Variants in HECW2 observed in about 807,000 individuals in gnomAD.
HECW2 encodes HECT, C2 and WW domain containing E3 ubiquitin protein ligase 2, also known as E3 ubiquitin-protein ligase HECW2.
A neutral mutation model predicts 175.2 loss-of-function variants in HECW2; 61 were observed. The observed-to-expected ratio is 0.35, with a 90% CI of 0.28 to 0.43. HECW2 has a LOEUF of 0.43. Ranked by LOEUF, HECW2 falls within the 20% of genes least tolerant of loss-of-function variation. The pLI, the probability that HECW2 is intolerant of heterozygous loss-of-function variation, is 1.00. For missense variants in HECW2, 1,524 were observed against 2,000.5 expected (o/e 0.76, Z 4.54); for synonymous variants, 671 against 731.0 (o/e 0.92, Z 1.32).
intron 4 of HECW2, among the ~76,000 whole-genome samples, chr2:196,332,876 T>C (rs1423936319): frequency 6.6e-6 from 1 of 152,212 alleles, no homozygotes; most frequent in Non-Finnish European, 1.5e-5. Context: ...TGCTATTCTC[T>C]TTGTGACCTT....
intron 2 of HECW2, among the ~76,000 whole-genome samples, chr2:196,423,684 T>TGTGTGTGTGTGTG (rs143785876): frequency 7.1e-6 from 1 of 139,946 alleles, no homozygotes; most frequent in Non-Finnish European, 1.5e-5. Context: ...TAGTATTCCA[T>TGTGTGTGTGTGTG]TGTGTGTGTG....
At chr2:196,218,584 C>T (rs867708356) in intron 26 of HECW2, among the ~76,000 whole-genome samples, 1 of 149,346 alleles carries the variant, frequency 6.7e-6, no homozygotes, top group South Asian at 2.1e-4. Context: ...GAGGCCAAGG[C>T]AGGAGATCGC....
intron 1 of HECW2, among the ~76,000 whole-genome samples, chr2:196,505,236 A>G (rs146912715): frequency 6.6e-6 from 1 of 152,198 alleles, no homozygotes; most frequent in African/African-American, 2.4e-5. Context: ...CAAAAACAGC[A>G]ATTAATAAAC....
intron 2 of HECW2, among the ~76,000 whole-genome samples, chr2:196,371,711 T>G (rs1017355946): frequency 6.6e-6 from 1 of 152,226 alleles, no homozygotes; most frequent in Non-Finnish European, 1.5e-5. Flanking sequence ...TTACAAAAGA[T>G]CAATGTCCAC....
In HECW2 at chr2:196,195,636, G is replaced by A. The variant is rs954458498; in HGVS notation, c.*5641C>T. ...ACAGAGAGCATTTAAGTTATCTTTAGAAATCATGAAAATGTCTCAAATGCT... is the reference window on the plus strand; with the variant it reads ...ACAGAGAGCATTTAAGTTATCTTTAAAAATCATGAAAATGTCTCAAATGCT... On this transcript the variant is annotated 3_prime_UTR_variant, in exon 29 of 29. Transcript: ENST00000644978. 2.0e-5 allele frequency: 3 copies of A among 152,126 alleles called. No homozygotes were observed. The highest frequency in any genetic ancestry group is 1.5e-5 in the Non-Finnish European group (1 of 68,024). 9.4% of individuals were successfully genotyped at this position (152,126 alleles called of 1,614,324 possible). A position where few individuals can be genotyped will look rare whatever the true frequency, so the allele number is the denominator to read the frequency against.
intron 1 of HECW2, among the ~76,000 whole-genome samples, chr2:196,530,798 G>T (rs549468113): frequency 6.6e-6 from 1 of 152,208 alleles, no homozygotes; most frequent in East Asian, 1.9e-4. Context: ...CTGTTCTATG[G>T]GAGGAAAATA....
chr2:196,533,359 G>A (rs1459206757), intron 1 of HECW2, among the ~76,000 whole-genome samples: 1 of 152,008 alleles, frequency 6.6e-6, no homozygotes, highest in African/African-American at 2.4e-5. Context: ...TATTATTGAC[G>A]TGGGATAGAG....
chr2:196,277,764 G>A (rs1267226930), intron 15 of HECW2, among the ~76,000 whole-genome samples: 3 of 151,940 alleles, frequency 2.0e-5, no homozygotes, highest in Non-Finnish European at 4.4e-5. Context: ...AAGAAAACGT[G>A]GCACATATAT....
At position 196,435,935 on chromosome 2, in the gene HECW2, T is replaced by C. The variant is rs368169946; in HGVS notation, c.-35-2477A>G. On this transcript the variant is annotated intron_variant, in intron 1 of 28. Coordinates refer to ENST00000644978, the MANE Select transcript of HECW2 (RefSeq NM_001348768.2). ...GTGACTACATTCTACTTTAATTATA[T>C]CAAGAACTGGTTTTAATACTCCCAT... Among the ~76,000 whole-genome samples, 139 of 152,340 alleles carry C rather than the reference T, an allele frequency of 9.1e-4. 2 individuals are homozygous for C. In the Middle Eastern group the frequency reaches 0.024, roughly 26 times the overall value.
At chr2:196,414,683 T>C (rs1001237642) in intron 2 of HECW2, among the ~76,000 whole-genome samples, 2 of 152,152 alleles carry the variant, frequency 1.3e-5, no homozygotes, top group Non-Finnish European at 2.9e-5. Context: ...CTGAGGCCCC[T>C]GGGTAACATC....
chr2:196,590,831 A>G (rs1166243272), intron 1 of HECW2, among the ~76,000 whole-genome samples: 2 of 152,334 alleles, frequency 1.3e-5, no homozygotes, highest in East Asian at 3.9e-4. Context: ...AAAGAGTAAG[A>G]AAATATAGGT....
In HECW2 at chr2:196,200,765, G is replaced by A. The variant is rs188446847; in HGVS notation, c.*512C>T. On this transcript the variant is annotated 3_prime_UTR_variant, in exon 29 of 29. Coordinates refer to ENST00000644978, the MANE Select transcript of HECW2 (RefSeq NM_001348768.2). ...TGTCCCATGAAAGCGGAAACCTATGGTGCACACCATGCAGGCACTCATAAG... is the reference window on the plus strand; with the variant it reads ...TGTCCCATGAAAGCGGAAACCTATGATGCACACCATGCAGGCACTCATAAG... 1 of 153,782 alleles carries A rather than the reference G, an allele frequency of 6.5e-6. No homozygotes were observed. Among genetic ancestry groups the A allele is most frequent in the Admixed American group, 6.5e-5 (1 of 15,492 alleles). 9.5% of individuals were successfully genotyped at this position (153,782 alleles called of 1,614,324 possible).
At chr2:196,328,156 T>C (rs1692225007) in intron 5 of HECW2, among the ~76,000 whole-genome samples, 1 of 152,154 alleles carries the variant, frequency 6.6e-6, no homozygotes, top group Non-Finnish European at 1.5e-5. Context: ...GGTCGACAAA[T>C]TGTTTCCTGC....
rs1575421856 is a variant in HECW2 at position 196,329,741 on chromosome 2, A to AT, written c.496-92dup. On this transcript the variant is annotated intron_variant, in intron 4 of 28. Coordinates refer to ENST00000644978, the MANE Select transcript of HECW2 (RefSeq NM_001348768.2). ...ACCATGTATGTTCCTAAATGCAATG[A>AT]TTTTTGCATCAAACGGGTATTGTAT... 3.9e-6 allele frequency: 4 copies of AT among 1,015,170 alleles called. No homozygotes were observed. The East Asian group carries it at 9.6e-5, about 24-fold the overall frequency. 62.9% of individuals were successfully genotyped at this position (1,015,170 alleles called of 1,614,324 possible).
chr2:196,547,245 T>A (rs1033437724), intron 1 of HECW2, among the ~76,000 whole-genome samples: 2 of 152,202 alleles, frequency 1.3e-5, no homozygotes, highest in Non-Finnish European at 2.9e-5. Flanking sequence ...CATTCCATGA[T>A]GGGCTATAAC....
chr2:196,499,912 A>T (rs1457537372), intron 1 of HECW2, among the ~76,000 whole-genome samples: 1 of 152,126 alleles, frequency 6.6e-6, no homozygotes, highest in African/African-American at 2.4e-5. Context: ...ATGCTGTATG[A>T]CCTTTCAAAG....
At chr2:196,565,386 A>C (rs1392983884) in intron 1 of HECW2, among the ~76,000 whole-genome samples, 3 of 152,242 alleles carry the variant, frequency 2.0e-5, no homozygotes, top group African/African-American at 7.2e-5. Flanking sequence ...CTTATGCAAC[A>C]AATGAACATG....
intron 1 of HECW2, among the ~76,000 whole-genome samples, chr2:196,568,394 C>T (rs1250554850): frequency 1.3e-5 from 2 of 152,164 alleles, no homozygotes; most frequent in African/African-American, 4.8e-5. Flanking sequence ...GAGTAAAATA[C>T]ATGGGGGAAA....
chr2:196,458,582 T>C (rs1696610178), intron 1 of HECW2, among the ~76,000 whole-genome samples: 1 of 152,064 alleles, frequency 6.6e-6, no homozygotes, highest in Non-Finnish European at 1.5e-5. Flanking sequence ...AGATGACAAG[T>C]GTAGGCTGGG....
Sources: gnomAD v4.1 joint callset for allele counts (sites outside exome capture counted in the v4.1 genomes callset) on GRCh38, gnomAD v4.1.1 for gene constraint, MANE v1.5 for transcripts, NCBI Gene and HGNC (gene_info 2026-07-23, HGNC 2026-07-21) for gene names.